MICAL3: variants seen among roughly 807,000 people sequenced by gnomAD.
MICAL3 encodes the protein [F-actin]-monooxygenase MICAL3.
In MICAL3, 62 loss-of-function variants were observed where a neutral mutation model predicts 207.4. The observed-to-expected ratio is 0.30, with a 90% CI of 0.24 to 0.37. The LOEUF (loss-of-function observed/expected upper bound fraction) is 0.37, where lower values mean the gene tolerates loss of function less well. MICAL3 is among the 10% of genes least tolerant of loss of function. The pLI is 1.00. For synonymous variants in MICAL3, 1,077 were observed against 1,069.3 expected (o/e 1.01, Z -0.14); for missense variants, 2,368 against 2,635.6 (o/e 0.90, Z 2.22).
In MICAL3 at chr22:17,822,159, A is replaced by G. The variant is rs936388914; in HGVS notation, c.3319T>C (p.Ser1107Pro). The stretch of plus-strand genomic sequence containing the variant: ...CTGTCAGCATCCGACGGGCTGTCAG[A>G]CCAGTGCTGATCTGGCAGAGGGAAG... ...GAELDDDQHW[S>P]DSPSDADREL... Residue 1107 changes from serine (S) to proline (P), a missense_variant, in exon 24 of 32, where the codon TCT (serine) becomes CCT (proline). By Grantham distance (74) the Ser-to-Pro change is moderately conservative. Transcript: ENST00000441493. 5 of 1,613,548 alleles carry G rather than the reference A, an allele frequency of 3.1e-6. No homozygotes were observed. In the African/African-American group the frequency reaches 6.7e-5, roughly 22 times the overall value.
At position 18,017,690 on chromosome 22, in the gene MICAL3, A is replaced by T. The variant is rs1209774132; in HGVS notation, c.-75+6591T>A. ...AACCTCTGCCTCCCGGGTTCAAGTG[A>T]TTCTCCTGCCTCTGCCTCCCGAGTA... On this transcript the variant is annotated intron_variant, in intron 1 of 31. Coordinates refer to ENST00000441493, the MANE Select transcript of MICAL3 (RefSeq NM_015241.3). 3.3e-5 allele frequency among the ~76,000 whole-genome samples: 5 copies of T among 150,530 alleles called. No individual in the cohort carries two copies. In the East Asian group the frequency reaches 5.9e-4, roughly 18 times the overall value.
chr22:17,994,637 A>G (rs34666104), intron 1 of MICAL3, among the ~76,000 whole-genome samples: 89,650 of 151,464 alleles, frequency 0.59, 27,094 homozygotes, highest in Middle Eastern at 0.72. Flanking sequence ...GGCCTGGCCC[A>G]GGAGGTCAAG....
chr22:18,012,587 C>T (rs774247214), intron 1 of MICAL3, among the ~76,000 whole-genome samples: 3 of 152,194 alleles, frequency 2.0e-5, no homozygotes, highest in Non-Finnish European at 4.4e-5. Flanking sequence ...CAGATAGGGC[C>T]GGGGCGGCCA....
intron 22 of MICAL3, chr22:17,826,546 G>A: frequency 1.0e-6 from 1 of 978,216 alleles, no homozygotes. Context: ...CAAATACAAA[G>A]TTACACAGCA....
At chr22:17,884,661 C>G (rs1929721457) in intron 16 of MICAL3, among the ~76,000 whole-genome samples, 1 of 152,190 alleles carries the variant, frequency 6.6e-6, no homozygotes, top group Non-Finnish European at 1.5e-5. Flanking sequence ...ATTTGGAAAA[C>G]TAATATTCCC....
chr22:18,000,241 T>C (rs921483917), intron 1 of MICAL3, among the ~76,000 whole-genome samples: 2 of 87,474 alleles, frequency 2.3e-5, no homozygotes, highest in Admixed American at 1.1e-4. Flanking sequence ...AAAACAAGCT[T>C]AGGGGGAAAA....
intron 1 of MICAL3, among the ~76,000 whole-genome samples, chr22:17,921,348 T>G (rs1251266150): frequency 6.6e-6 from 1 of 152,240 alleles, no homozygotes; most frequent in Non-Finnish European, 1.5e-5. Context: ...AAAATCATCT[T>G]CGGAGAAAGG....
chr22:17,961,756 C>T (rs1645132061), intron 1 of MICAL3, among the ~76,000 whole-genome samples: 1 of 152,202 alleles, frequency 6.6e-6, no homozygotes, highest in Non-Finnish European at 1.5e-5. Context: ...CTGGGCCTGC[C>T]CTTAGCCATT....
At chr22:17,861,193 G>A (rs997458) in intron 19 of MICAL3, 96,507 of 985,154 alleles carry the variant, frequency 0.098, 5,302 homozygotes, top group Admixed American at 0.21. Context: ...AGGGTTGAAT[G>A]AAATTCTACT....
intron 17 of MICAL3, among the ~76,000 whole-genome samples, chr22:17,870,207 C>T (rs1300700393): frequency 6.6e-6 from 1 of 152,152 alleles, no homozygotes; most frequent in Non-Finnish European, 1.5e-5. Flanking sequence ...GTCTCGGCCT[C>T]TCACTGCCAC....
intron 19 of MICAL3, among the ~76,000 whole-genome samples, chr22:17,859,492 C>A (rs1047301431): frequency 6.6e-6 from 1 of 152,234 alleles, no homozygotes; most frequent in African/African-American, 2.4e-5. Context: ...ATGCCAGCAG[C>A]GGTGTGTGTG....
intron 25 of MICAL3, among the ~76,000 whole-genome samples, chr22:17,820,951 C>T (rs1301612754): frequency 4.3e-5 from 6 of 139,678 alleles, no homozygotes; most frequent in African/African-American, 8.0e-5. Flanking sequence ...TGTTTATAAA[C>T]ATAAATTTTA....
rs144537851 is a variant in MICAL3 at position 17,836,793 on chromosome 22, G to A, written c.2802-4686C>T. Among the ~76,000 whole-genome samples the A allele has an allele frequency of 3.1e-3, 464 of 152,088 alleles. 6 individuals carry two copies. The highest frequency in any genetic ancestry group is 0.011 in the African/African-American group (441 of 41,492). On this transcript the variant is annotated intron_variant, in intron 20 of 31. Coordinates refer to ENST00000441493, the MANE Select transcript of MICAL3 (RefSeq NM_015241.3). ...TCGAGCAGCTGGGACTACTCGGCCC[G>A]CCACCACGCCTGGCTAATTTTTTGT...
chr22:17,953,930 CAAAAAAAAAAAAAAAAAAAAAAA>C (rs59740388), intron 1 of MICAL3, among the ~76,000 whole-genome samples: 1,004 of 86,526 alleles, frequency 0.012, 20 homozygotes, highest in African/African-American at 0.036. Flanking sequence ...GACTCCATCT[CAAAAAAAAAAAAAAAAAAAAAAA>C]AAAAAAAAAA....
chr22:17,915,847 C>T (rs887653822), intron 1 of MICAL3, among the ~76,000 whole-genome samples: 5 of 151,914 alleles, frequency 3.3e-5, no homozygotes, highest in African/African-American at 9.7e-5. Context: ...AACCCAGCCC[C>T]TTGGGAGGCT....
At chr22:17,831,225 CCTT>C (rs1419734610) in intron 21 of MICAL3, among the ~76,000 whole-genome samples, 5 of 151,214 alleles carry the variant, frequency 3.3e-5, no homozygotes, top group African/African-American at 1.2e-4. Flanking sequence ...GAAAGAATGG[CCTT>C]CTCTCCTGCA....
intron 1 of MICAL3, among the ~76,000 whole-genome samples, chr22:18,014,550 C>T (rs1923935506): frequency 6.6e-6 from 1 of 152,182 alleles, no homozygotes; most frequent in South Asian, 2.1e-4. Context: ...AAAAAGCTTC[C>T]CCAGAGCTCT....
intron 1 of MICAL3, among the ~76,000 whole-genome samples, chr22:17,982,734 A>C (rs1435090364): frequency 2.5e-4 from 31 of 124,442 alleles, no homozygotes; most frequent in African/African-American, 1.1e-3. Flanking sequence ...CATAACATAA[A>C]AATAAAATAA....
Position 17,827,571 on chromosome 22 carries a change from C to A in MICAL3, c.3193+73G>T, listed in dbSNP as rs148837894. 61 of 1,466,340 alleles carry A rather than the reference C, an allele frequency of 4.2e-5. No individual in the cohort carries two copies. The African/African-American group carries it at 7.7e-4, about 18-fold the overall frequency. The allele number at this position is 1,466,340 out of a possible 1,614,324, so 90.8% of individuals were successfully genotyped here. On this transcript the variant is annotated intron_variant, in intron 22 of 31. Transcript: ENST00000441493. ...GGGTGGCTCTGCCCTGACAGAAAGG[C>A]CCCCTGTGGCGACAGAGGCAGCAGG... is the stretch of plus-strand genomic sequence containing the variant.
Sources: gnomAD v4.1 joint callset for allele counts (sites outside exome capture counted in the v4.1 genomes callset) on GRCh38, gnomAD v4.1.1 for gene constraint, MANE v1.5 for transcripts, NCBI Gene and HGNC (gene_info 2026-07-23, HGNC 2026-07-21) for gene names.